The following ANKRD12 variants were observed in gnomAD, a reference collection of about 807,000 sequenced individuals.
ANKRD12 encodes ankyrin repeat domain 12.
ANKRD12 carries 85 observed loss-of-function variants against 183.4 expected under a neutral mutation model. That is an observed-to-expected ratio of 0.46 (90% CI 0.39 to 0.56). The LOEUF (loss-of-function observed/expected upper bound fraction) is 0.56. Ranked by LOEUF, ANKRD12 falls within the 20% of genes least tolerant of loss-of-function variation. ANKRD12 has a pLI of 0.00. For synonymous variants in ANKRD12, 914 were observed against 800.2 expected (o/e 1.14, Z -2.40); for missense variants, 2,405 against 2,357.1 (o/e 1.02, Z -0.42).
At chr18:9,164,333 T>G (rs1241353192) in intron 1 of ANKRD12, among the ~76,000 whole-genome samples, 1 of 152,140 alleles carries the variant, frequency 6.6e-6, no homozygotes, top group Non-Finnish European at 1.5e-5. Flanking sequence ...TATTGATTTG[T>G]GTATGTTGAA....
chr18:9,223,139 T>G (rs1296936572), intron 8 of ANKRD12, among the ~76,000 whole-genome samples: 1 of 152,140 alleles, frequency 6.6e-6, no homozygotes, highest in Non-Finnish European at 1.5e-5. Flanking sequence ...AAACTCAGGG[T>G]TGGGCGTGGT....
chr18:9,173,156 G>A (rs531534637), intron 1 of ANKRD12, among the ~76,000 whole-genome samples: 2 of 148,358 alleles, frequency 1.3e-5, no homozygotes, highest in African/African-American at 2.5e-5. Context: ...TGCAACCTCC[G>A]CCTCCCGGGT....
At chr18:9,174,206 C>G (rs543427156) in intron 1 of ANKRD12, among the ~76,000 whole-genome samples, 1 of 152,222 alleles carries the variant, frequency 6.6e-6, no homozygotes, top group Non-Finnish European at 1.5e-5. Flanking sequence ...CGCCCCTCCC[C>G]CTGAAAACTC....
chr18:9,174,002 G>A (rs953325384), intron 1 of ANKRD12, among the ~76,000 whole-genome samples: 2 of 152,226 alleles, frequency 1.3e-5, no homozygotes, highest in African/African-American at 4.8e-5. Context: ...CTTGGCTGGA[G>A]TTGCTGAAAT....
At chr18:9,242,471 A>AG (rs11432351) in intron 8 of ANKRD12, among the ~76,000 whole-genome samples, 2 of 151,884 alleles carry the variant, frequency 1.3e-5, no homozygotes, top group Non-Finnish European at 2.9e-5. Flanking sequence ...TACAAAAAAA[A>AG]ATGAGTTCAG....
intron 1 of ANKRD12, among the ~76,000 whole-genome samples, chr18:9,168,667 C>A (rs1255697749): frequency 6.6e-6 from 1 of 152,072 alleles, no homozygotes; most frequent in African/African-American, 2.4e-5. Flanking sequence ...TTTCAGAAAA[C>A]CAGCTCCTGG....
intron 1 of ANKRD12, among the ~76,000 whole-genome samples, chr18:9,179,820 G>A (rs879794882): frequency 6.6e-6 from 1 of 152,154 alleles, no homozygotes; most frequent in African/African-American, 2.4e-5. Flanking sequence ...ACTTGGCCTG[G>A]TTTAATTTCT....
intron 8 of ANKRD12, among the ~76,000 whole-genome samples, chr18:9,223,641 T>TG (rs757020058): frequency 9.9e-5 from 15 of 152,002 alleles, no homozygotes; most frequent in African/African-American, 1.5e-4. Context: ...GCTTTTGTTG[T>TG]GGGGAAAAAA....
intron 1 of ANKRD12, among the ~76,000 whole-genome samples, chr18:9,146,945 A>G (rs534092574): frequency 1.3e-4 from 20 of 152,330 alleles, no homozygotes; most frequent in Non-Finnish European, 2.6e-4. Context: ...GGAAGTGACA[A>G]TTTTAATCTG....
At chr18:9,269,531 A>G (rs370744915) in intron 10 of ANKRD12, among the ~76,000 whole-genome samples, 1 of 152,248 alleles carries the variant, frequency 6.6e-6, no homozygotes, top group South Asian at 2.1e-4. Flanking sequence ...AGGATTCCCT[A>G]TTTAATAAAT....
chr18:9,187,019 C>T (rs905552055), intron 2 of ANKRD12, among the ~76,000 whole-genome samples: 2 of 152,068 alleles, frequency 1.3e-5, no homozygotes, highest in Non-Finnish European at 2.9e-5. Context: ...CCTCAGCCTC[C>T]CAAAGTGCTG....
chr18:9,222,108 T>C, intron 8 of ANKRD12, 109 bp downstream of exon 8: 1 of 1,342,996 alleles, frequency 7.4e-7, no homozygotes, highest in Non-Finnish European at 1.0e-6. Context: ...AGAATAATGC[T>C]GGCTAGCTAG....
At chr18:9,280,513 G>C (rs1479924137) in intron 12 of ANKRD12, among the ~76,000 whole-genome samples, 1 of 152,162 alleles carries the variant, frequency 6.6e-6, no homozygotes, top group African/African-American at 2.4e-5. Context: ...TGTAGGCCGG[G>C]TGTGGCAGTT....
intron 8 of ANKRD12, among the ~76,000 whole-genome samples, chr18:9,242,609 G>A (rs569404863): frequency 1.3e-5 from 2 of 152,186 alleles, no homozygotes; most frequent in East Asian, 1.9e-4. Flanking sequence ...TTCCTTTAGC[G>A]ACATCAAAAT....
intron 1 of ANKRD12, among the ~76,000 whole-genome samples, chr18:9,167,772 G>A (rs949956393): frequency 1.3e-5 from 2 of 152,206 alleles, no homozygotes; most frequent in Non-Finnish European, 2.9e-5. Context: ...GGAGTGGTGA[G>A]GGAGGGCATC....
In ANKRD12 at chr18:9,284,695, C is replaced by T. The variant is rs2040183848; in HGVS notation, c.*3569C>T. 6.6e-6 allele frequency: 1 copy of T among 151,482 alleles called. No homozygotes were observed. The highest frequency in any genetic ancestry group is 6.6e-5 in the Admixed American group (1 of 15,188). The allele number at this position is 151,482 out of a possible 1,614,324, so 9.4% of individuals were successfully genotyped here. On this transcript the variant is annotated 3_prime_UTR_variant, in exon 13 of 13. Transcript: ENST00000262126. ...TTTTAAGCCTCCACAGAGATAGTCA[C>T]CCAAAGTATTTCCAGTCAGTAAAAG...
chr18:9,257,968 C>G lies in ANKRD12; in HGVS notation c.4701C>G (p.Ser1567Arg), dbSNP rs749512401. The G allele has an allele frequency of 1.2e-6, 2 of 1,613,874 alleles. No individual in the cohort carries two copies. Among genetic ancestry groups the G allele is most frequent in the East Asian group, 4.5e-5 (2 of 44,872 alleles). Residue 1567 changes from serine to arginine, a missense_variant, in exon 9 of 13, where the codon AGC becomes AGG. Transcript: ENST00000262126. The stretch of plus-strand genomic sequence containing the variant: ...CCTTTGTCCCAGTGTACTCTGACAG[C>G]ACTATTCAAGAAGCATCACCAAACT... ...TDAFVPVYSD[S>R]TIQEASPNFE... is the part of the protein sequence containing the mutation.
At chr18:9,251,243 AT>A (rs2038279629) in intron 8 of ANKRD12, among the ~76,000 whole-genome samples, 1 of 152,098 alleles carries the variant, frequency 6.6e-6, no homozygotes, top group Non-Finnish European at 1.5e-5. Context: ...ATATACTGTT[AT>A]CTCCCCGCAT....
At chr18:9,235,923 C>T (rs918596683) in intron 8 of ANKRD12, 1 of 238,694 alleles carries the variant, frequency 4.2e-6, no homozygotes, top group Non-Finnish European at 8.7e-6. Flanking sequence ...AGATAAATGG[C>T]ATATATAATA....
Sources: gnomAD v4.1 joint callset for allele counts (sites outside exome capture counted in the v4.1 genomes callset) on GRCh38, gnomAD v4.1.1 for gene constraint, MANE v1.5 for transcripts, NCBI Gene and HGNC (gene_info 2026-07-23, HGNC 2026-07-21) for gene names.